NCAM2: variants seen among roughly 807,000 people sequenced by gnomAD.
The protein encoded by NCAM2 is N-CAM-2.
Under a neutral mutation model 98.1 loss-of-function variants are expected in NCAM2, and 30 were observed. That is an observed-to-expected ratio of 0.31 (90% CI 0.23 to 0.41). The LOEUF (loss-of-function observed/expected upper bound fraction) is 0.41, where lower values mean the gene tolerates loss of function less well. Among genes scored for constraint, NCAM2 ranks in the 10% least tolerant of loss-of-function variants. NCAM2 has a pLI of 1.00. For missense variants in NCAM2, 867 were observed against 1,005.8 expected (o/e 0.86, Z 1.87); for synonymous variants, 368 against 342.4 (o/e 1.07, Z -0.83).
chr21:21,240,385 A>G (rs63349061), intron 1 of NCAM2, among the ~76,000 whole-genome samples: 10 of 146,060 alleles, frequency 6.8e-5, no homozygotes, highest in Non-Finnish European at 1.1e-4. Context: ...AAAAAAAAAA[A>G]GCAAAAAAAG....
At chr21:21,025,474 A>G (rs1439868151) in intron 1 of NCAM2, among the ~76,000 whole-genome samples, 2 of 152,298 alleles carry the variant, frequency 1.3e-5, no homozygotes, top group African/African-American at 4.8e-5. Flanking sequence ...CCACTGTTTA[A>G]TATTTTATGA....
chr21:21,373,681 A>G (rs1302155331), intron 8 of NCAM2, among the ~76,000 whole-genome samples, 182 bp from the exon 9 acceptor site: 1 of 151,776 alleles, frequency 6.6e-6, no homozygotes, highest in Non-Finnish European at 1.5e-5. Flanking sequence ...TGAGAATGTA[A>G]AAAGTGTGCT....
At chr21:21,106,048 G>A (rs926922472) in intron 1 of NCAM2, among the ~76,000 whole-genome samples, 2 of 151,974 alleles carry the variant, frequency 1.3e-5, no homozygotes, top group African/African-American at 4.8e-5. Context: ...GTGTACGTGT[G>A]TATGTAAAAA....
chr21:21,210,967 A>C (rs565545000), intron 1 of NCAM2, among the ~76,000 whole-genome samples: 4 of 127,378 alleles, frequency 3.1e-5, no homozygotes, highest in South Asian at 5.5e-4. Flanking sequence ...ACTCTCCCCA[A>C]ACACACACAC....
chr21:21,317,904 T>C (rs1462522773), intron 5 of NCAM2, among the ~76,000 whole-genome samples: 1 of 152,192 alleles, frequency 6.6e-6, no homozygotes, highest in African/African-American at 2.4e-5. Context: ...CCAAAACTTT[T>C]CTTTAATGTA....
At chr21:21,526,638 A>G (rs1989338444) in intron 16 of NCAM2, among the ~76,000 whole-genome samples, 1 of 152,156 alleles carries the variant, frequency 6.6e-6, no homozygotes, top group Non-Finnish European at 1.5e-5. Context: ...AAAGTTTATT[A>G]CATAGAGAGG....
At chr21:21,088,734 T>G (rs2065951072) in intron 1 of NCAM2, among the ~76,000 whole-genome samples, 1 of 152,148 alleles carries the variant, frequency 6.6e-6, no homozygotes, top group African/African-American at 2.4e-5. Flanking sequence ...GGCTCACGCC[T>G]GTAATCCCAG....
chr21:21,247,890 C>T lies in NCAM2; in HGVS notation c.56-32688C>T, dbSNP rs531297268. 2.9e-3 allele frequency among the ~76,000 whole-genome samples: 444 copies of T among 152,238 alleles called. 2 individuals are homozygous for T. The highest frequency in any genetic ancestry group is 0.01 in the African/African-American group (428 of 41,548). On this transcript the variant is annotated intron_variant, in intron 1 of 17. Transcript: ENST00000400546. ...TCCTGCCTTCTTTCCTCCTTCTATT[C>T]CTCGTCCTTTTCTCCTTTCCCTTCT...
chr21:21,142,892 C>T (rs565107700), intron 1 of NCAM2, among the ~76,000 whole-genome samples: 1 of 152,154 alleles, frequency 6.6e-6, no homozygotes, highest in African/African-American at 2.4e-5. Flanking sequence ...GTAGGTGTAG[C>T]GTATTTTATT....
chr21:21,135,256 A>AAAAC lies in NCAM2; in HGVS notation c.55+136641_55+136642insCAAA, dbSNP rs111724266. Among the ~76,000 whole-genome samples the AAAAC allele has an allele frequency of 4.5e-3, 651 of 145,640 alleles. 11 individuals are homozygous for AAAAC. Among genetic ancestry groups the AAAAC allele is most frequent in the African/African-American group, 0.012 (466 of 39,376 alleles). On this transcript the variant is annotated intron_variant, in intron 1 of 17. Coordinates refer to ENST00000400546, the MANE Select transcript of NCAM2 (RefSeq NM_004540.5). ...GTGAGACTCCATCTCAAAAAAAAAA[A>AAAAC]AAAAAAAACTTCTGAACTCAATCAG...
chr21:21,411,150 A>ACATATATATGTG (rs2145921470), intron 10 of NCAM2, among the ~76,000 whole-genome samples: 4 of 96,924 alleles, frequency 4.1e-5, no homozygotes, highest in South Asian at 3.4e-4. Context: ...ATATATATAC[A>ACATATATATGTG]TATATATATG....
At chr21:21,354,429 T>C (rs2075417936) in intron 8 of NCAM2, among the ~76,000 whole-genome samples, 1 of 152,212 alleles carries the variant, frequency 6.6e-6, no homozygotes, top group Non-Finnish European at 1.5e-5. Flanking sequence ...TTTATTCTTA[T>C]CTGTACCCAA....
chr21:21,200,862 G>A (rs535290096), intron 1 of NCAM2, among the ~76,000 whole-genome samples: 106 of 150,894 alleles, frequency 7.0e-4, no homozygotes, highest in African/African-American at 2.5e-3. Context: ...GTGTGTGAGA[G>A]AGTTTTCTTG....
At chr21:21,361,715 C>T (rs926596197) in intron 8 of NCAM2, among the ~76,000 whole-genome samples, 2 of 152,082 alleles carry the variant, frequency 1.3e-5, no homozygotes, top group African/African-American at 4.8e-5. Flanking sequence ...GACAGCTTCA[C>T]TTGGATATTA....
intron 1 of NCAM2, among the ~76,000 whole-genome samples, chr21:21,186,788 T>G (rs1368593577): frequency 6.6e-6 from 1 of 152,004 alleles, no homozygotes; most frequent in African/African-American, 2.4e-5. Context: ...GAAAATACAT[T>G]GAAAAAAGAA....
intron 1 of NCAM2, among the ~76,000 whole-genome samples, chr21:21,155,428 ATTCT>A (rs911037425): frequency 9.9e-5 from 15 of 151,704 alleles, no homozygotes; most frequent in Middle Eastern, 3.4e-3. Context: ...TGGGTATTCC[ATTCT>A]TTCTTTTTCC....
chr21:21,353,780 T>C (rs1283366684), intron 8 of NCAM2, among the ~76,000 whole-genome samples: 1 of 152,200 alleles, frequency 6.6e-6, no homozygotes, highest in Admixed American at 6.5e-5. Context: ...TATATATTGA[T>C]TTGGAAAAGA....
chr21:21,385,408 A>G (rs1211322983), intron 9 of NCAM2, among the ~76,000 whole-genome samples: 2 of 148,430 alleles, frequency 1.3e-5, no homozygotes, highest in African/African-American at 5.0e-5. Flanking sequence ...ACGCACACAC[A>G]CATACACACA....
At chr21:21,335,226 A>G (rs968337726) in intron 6 of NCAM2, among the ~76,000 whole-genome samples, 1 of 152,114 alleles carries the variant, frequency 6.6e-6, no homozygotes, top group Non-Finnish European at 1.5e-5. Context: ...TCAAAGTACA[A>G]ATTGAACTGA....
Sources: allele counts gnomAD v4.1 joint callset (sites outside exome capture counted in the v4.1 genomes callset), GRCh38; gene constraint gnomAD v4.1.1; transcripts MANE v1.5; gene names NCBI Gene and HGNC (gene_info 2026-07-23, HGNC 2026-07-21).